Variants in CCDC80 observed in about 807,000 individuals in gnomAD.
CCDC80 encodes coiled-coil domain-containing protein 80.
CCDC80 carries 49 observed loss-of-function variants against 78.7 expected under a neutral mutation model. The ratio of observed to expected loss-of-function variants is 0.62; its 90% CI spans 0.50 to 0.79. The LOEUF is 0.79. Among genes scored for constraint, CCDC80 ranks in the 30% least tolerant of loss-of-function variants. CCDC80 has a pLI of 0.00. For missense variants in CCDC80, 1,205 were observed against 1,198.6 expected (o/e 1.01, Z -0.08); for synonymous variants, 488 against 447.0 (o/e 1.09, Z -1.16).
chr3:112,612,181 C>T (rs559534911), intron 5 of CCDC80, among the ~76,000 whole-genome samples: 1 of 152,068 alleles, frequency 6.6e-6, no homozygotes, highest in Admixed American at 6.5e-5. Context: ...GGAACAGTAA[C>T]TGCTGTCGGA....
chr3:112,629,661 C>T (rs546589754), intron 3 of CCDC80, among the ~76,000 whole-genome samples: 1 of 152,226 alleles, frequency 6.6e-6, no homozygotes, highest in Non-Finnish European at 1.5e-5. Flanking sequence ...TCTCTCAGTT[C>T]TGGTTAATTC....
intron 2 of CCDC80, among the ~76,000 whole-genome samples, chr3:112,631,319 C>T (rs547427863): frequency 6.6e-6 from 1 of 152,216 alleles, no homozygotes. Context: ...ATGCTGCTTA[C>T]CTTGGAGGTG....
Position 112,639,518 on chromosome 3 carries a change from A to G in CCDC80, c.388T>C (p.Leu130=). The G allele has an allele frequency of 6.2e-7, 1 of 1,614,188 alleles. No individual in the cohort carries two copies. Among genetic ancestry groups the G allele is most frequent in the South Asian group, 1.1e-5 (1 of 91,078 alleles). The change falls in exon 2 of 8, where the codon TTG becomes CTG. Residue 130 remains leucine (L), a synonymous_variant. Coordinates refer to ENST00000206423, the MANE Select transcript of CCDC80 (RefSeq NM_199511.3). ...GAGCTGGACCCCGAAGGGAAACGCA[A>G]CATTCTTGACCGAGCTGAGGACCCC... ...DEGSSARSRM[L]RFPSGSSSPN...
chr3:112,629,119 G>T (rs1238072539), intron 3 of CCDC80, among the ~76,000 whole-genome samples: 1 of 152,064 alleles, frequency 6.6e-6, no homozygotes, highest in Admixed American at 6.6e-5. Flanking sequence ...AAAAATCTGT[G>T]TGATAATGTT....
intron 3 of CCDC80, 75 bp downstream of exon 3, chr3:112,630,038 T>C (rs1576792115): frequency 1.4e-6 from 2 of 1,395,020 alleles, no homozygotes; most frequent in Non-Finnish European, 2.0e-6. Context: ...GGATCCCCCA[T>C]GTACCTCTAC....
At position 112,630,292 on chromosome 3, in the gene CCDC80, A is replaced by T. The variant is rs763922572; in HGVS notation, c.1879-23T>A. ...CAGCTGGAGGTGGGTGAAGACAAAC[A>T]AATACTCATTTATAGTGATAGTTTC... On this transcript the variant is annotated intron_variant, in intron 2 of 7. Coordinates refer to ENST00000206423, the MANE Select transcript of CCDC80 (RefSeq NM_199511.3). 16 of 1,611,838 alleles carry T rather than the reference A, an allele frequency of 9.9e-6. No individual in the cohort carries two copies. The African/African-American group carries it at 1.6e-4, about 16-fold the overall frequency.
At chr3:112,633,311 G>GC (rs1239760744) in intron 2 of CCDC80, among the ~76,000 whole-genome samples, 1 of 152,112 alleles carries the variant, frequency 6.6e-6, no homozygotes, top group East Asian at 1.9e-4. Context: ...TCAGAAACCT[G>GC]CCCCCGCCCT....
At chr3:112,631,546 G>C (rs1936099016) in intron 2 of CCDC80, among the ~76,000 whole-genome samples, 1 of 152,070 alleles carries the variant, frequency 6.6e-6, no homozygotes, top group Admixed American at 6.6e-5. Flanking sequence ...TCTTGCATTT[G>C]ACTACATTCA....
Position 112,605,379 on chromosome 3 carries a change from A to G in CCDC80, c.*38T>C, listed in dbSNP as rs200126089. ...GGCCACATGTAGTTTTAGCAGCTGCAGAGGAAACTGGCTGAGTCTAAGGTT... is the reference window on the plus strand; with the variant it reads ...GGCCACATGTAGTTTTAGCAGCTGCGGAGGAAACTGGCTGAGTCTAAGGTT... On this transcript the variant is annotated 3_prime_UTR_variant, in exon 8 of 8. Coordinates refer to ENST00000206423, the MANE Select transcript of CCDC80 (RefSeq NM_199511.3). The G allele has an allele frequency of 5.7e-5, 82 of 1,442,506 alleles. No homozygotes were observed. Among genetic ancestry groups the G allele is most frequent in the Non-Finnish European group, 1.2e-5 (13 of 1,042,068 alleles). 89.4% of individuals were successfully genotyped at this position (1,442,506 alleles called of 1,614,324 possible).
chr3:112,598,630 T>A lies in CCDC80; in HGVS notation c.*6787A>T, dbSNP rs1283848935. 2 of 152,276 alleles carry A rather than the reference T, an allele frequency of 1.3e-5. No homozygotes were observed. Among genetic ancestry groups the A allele is most frequent in the Non-Finnish European group, 2.9e-5 (2 of 68,076 alleles). The allele number at this position is 152,276 out of a possible 1,614,324, so 9.4% of individuals were successfully genotyped here. On this transcript the variant is annotated 3_prime_UTR_variant, in exon 8 of 8. Transcript: ENST00000206423. ...CTTTCTGGAAGGAAAGCACTGACATTTAAGCTCTGTGCGGTCTGCTCAGGG... is the reference window on the plus strand; with the variant it reads ...CTTTCTGGAAGGAAAGCACTGACATATAAGCTCTGTGCGGTCTGCTCAGGG...
At chr3:112,609,896 T>C (rs770547172) in intron 6 of CCDC80, 82 bp downstream of exon 6, 6 of 965,330 alleles carry the variant, frequency 6.2e-6, no homozygotes, top group South Asian at 1.5e-5. Flanking sequence ...TTTTGAATGA[T>C]CTAAGGTTCT....
rs141396783 is a variant in CCDC80 at position 112,638,710 on chromosome 3, G to A, written c.1196C>T (p.Thr399Ile). Residue 399 changes from threonine to isoleucine, a missense_variant, in exon 2 of 8, where the codon ACC becomes ATC. Physicochemically the swap from Thr to Ile is moderately conservative, Grantham distance 89 (BLOSUM62 -1). Coordinates refer to ENST00000206423, the MANE Select transcript of CCDC80 (RefSeq NM_199511.3). ...TPSPSHRPPTTTEVITARRPS... is the reference protein window; with the variant it reads ...TPSPSHRPPTITEVITARRPS... The stretch of plus-strand genomic sequence containing the variant: ...TCTCCTGGCAGTGATCACCTCAGTG[G>A]TTGTAGGGGGCCTGTGGGAGGGTGA... 1.2e-6 allele frequency: 2 copies of A among 1,613,902 alleles called. No homozygotes were observed. Among genetic ancestry groups the A allele is most frequent in the African/African-American group, 2.7e-5 (2 of 74,886 alleles).
intron 6 of CCDC80, 64 bp from the exon 7 acceptor site, chr3:112,607,320 G>T: frequency 8.5e-7 from 1 of 1,181,544 alleles, no homozygotes; most frequent in Non-Finnish European, 1.2e-6. Context: ...TTACTTCAAA[G>T]CCCTGATATC....
At chr3:112,628,937 A>G (rs1351498993) in intron 3 of CCDC80, among the ~76,000 whole-genome samples, 1 of 152,174 alleles carries the variant, frequency 6.6e-6, no homozygotes, top group African/African-American at 2.4e-5. Flanking sequence ...ATAGTTATCA[A>G]TACTGTATTG....
intron 6 of CCDC80, among the ~76,000 whole-genome samples, chr3:112,607,613 C>G (rs958581558): frequency 6.6e-6 from 1 of 152,026 alleles, no homozygotes; most frequent in Non-Finnish European, 1.5e-5. Flanking sequence ...GGTGAAACCC[C>G]GTCTCTACTA....
At chr3:112,606,822 T>G (rs1268826782) in intron 7 of CCDC80, among the ~76,000 whole-genome samples, 1 of 152,136 alleles carries the variant, frequency 6.6e-6, no homozygotes, top group Non-Finnish European at 1.5e-5. Context: ...ATGACCTATG[T>G]GCCTCACAAA....
rs1284812890 is a variant in CCDC80, at chr3:112,599,997, G to T, written c.*5420C>A. 6.6e-6 allele frequency: 1 copy of T among 152,096 alleles called. No homozygotes were observed. The highest frequency in any genetic ancestry group is 1.5e-5 in the Non-Finnish European group (1 of 68,008). The allele number at this position is 152,096 out of a possible 1,614,324, so 9.4% of individuals were successfully genotyped here. The stretch of plus-strand genomic sequence containing the variant: ...AATCTTTCTCAAAAATTATAAAACT[G>T]TATTTTATTTTTCTCATTTATTTGG... On this transcript the variant is annotated 3_prime_UTR_variant, in exon 8 of 8. Coordinates refer to ENST00000206423, the MANE Select transcript of CCDC80 (RefSeq NM_199511.3).
Position 112,638,143 on chromosome 3 carries a change from CCTT to C in CCDC80, c.1760_1762del (p.Lys587_Gly588delinsArg). On this transcript the variant is annotated inframe_deletion, in exon 2 of 8. Coordinates refer to ENST00000206423, the MANE Select transcript of CCDC80 (RefSeq NM_199511.3). ...ATAGCCATCCTGTTCTGTTTTACCT[CCTT>C]TTTTCTTCTTGCTCTTCTCTTTCTC... The C allele has an allele frequency of 6.2e-7, 1 of 1,614,146 alleles. No homozygotes were observed. The highest frequency in any genetic ancestry group is 8.5e-7 in the Non-Finnish European group (1 of 1,180,022).
chr3:112,639,084 C>T lies in CCDC80; in HGVS notation c.822G>A (p.Gln274=). Residue 274 remains glutamine, a synonymous_variant, in exon 2 of 8, where the codon CAG becomes CAA. Transcript: ENST00000206423. ...CCTTACATTTCTGGACAAAGCCCTTCTGCCTGATCTTCTCGATCCTACGGA... is the reference window on the plus strand; with the variant it reads ...CCTTACATTTCTGGACAAAGCCCTTTTGCCTGATCTTCTCGATCCTACGGA... ...GPIRRIEKIR[Q]KGFVQKCKAS... 6.2e-7 allele frequency: 1 copy of T among 1,613,740 alleles called. No individual in the cohort carries two copies. Among genetic ancestry groups the T allele is most frequent in the Non-Finnish European group, 8.5e-7 (1 of 1,180,020 alleles).
Sources: allele counts gnomAD v4.1 joint callset (sites outside exome capture counted in the v4.1 genomes callset), GRCh38; gene constraint gnomAD v4.1.1; transcripts MANE v1.5; gene names NCBI Gene and HGNC (gene_info 2026-07-23, HGNC 2026-07-21).